LIMCH1: variants seen among roughly 807,000 people sequenced by gnomAD.
The protein encoded by LIMCH1 is LIM and calponin homology domains-containing protein 1.
LIMCH1 carries 113 observed loss-of-function variants against 176.5 expected under a neutral mutation model. The ratio of observed to expected loss-of-function variants is 0.64; its 90% CI spans 0.55 to 0.75. The LOEUF (loss-of-function observed/expected upper bound fraction) is 0.75, where lower values mean the gene tolerates loss of function less well. LIMCH1 is among the 30% of genes least tolerant of loss of function. The pLI is 0.00. For synonymous variants in LIMCH1, 619 were observed against 645.9 expected, an observed-to-expected ratio of 0.96 and a Z score of 0.63; for missense variants, 1,674 against 1,814.9, an observed-to-expected ratio of 0.92 and a Z score of 1.41.
chr4:41,497,120 G>C (rs533483743), intron 2 of LIMCH1, among the ~76,000 whole-genome samples: 1 of 152,326 alleles, frequency 6.6e-6, no homozygotes, highest in South Asian at 2.1e-4. Flanking sequence ...ATTCAAAATA[G>C]AAGCCCAGTT....
In LIMCH1 at chr4:41,646,308, T is replaced by C. The variant is rs1380812539; in HGVS notation, c.2411+28T>C. 6.3e-6 allele frequency: 10 copies of C among 1,583,068 alleles called. No homozygotes were observed. In the Admixed American group the frequency reaches 1.7e-4, roughly 27 times the overall value. ...GAGTTCTTTCTGTTGTCGTTTTTAA[T>C]GTACAATATTATCTAGGTGTTTTTT... On this transcript the variant is annotated intron_variant, in intron 16 of 31. Transcript: ENST00000503057.
In LIMCH1 at chr4:41,470,607, A is replaced by T. The variant is rs1582743512; in HGVS notation, c.97-23929A>T. Among the ~76,000 whole-genome samples, 4 of 152,284 alleles carry T rather than the reference A, an allele frequency of 2.6e-5. No individual in the cohort carries two copies. The South Asian group carries it at 8.3e-4, about 32-fold the overall frequency. On this transcript the variant is annotated intron_variant, in intron 1 of 26. Transcript: ENST00000313860. ...CCATTCTGTAGAAATTGCTCATGTC[A>T]AGGTTACCTGTGTCTTCTATTGCCC...
chr4:41,534,209 G>A (rs1400040003), upstream of LIMCH1, among the ~76,000 whole-genome samples: 2 of 152,090 alleles, frequency 1.3e-5, no homozygotes, highest in Non-Finnish European at 2.9e-5. Context: ...TTAGAGATGA[G>A]GAGACAGGAT....
rs773686371 is a variant in LIMCH1 at position 41,532,167 on chromosome 4, G to GA, written c.237+7694dup. ...GCCATGAAAGACTACACACCGCAGG[G>GA]AAAAACAACAAAACACACGAGGTCT... On this transcript the variant is annotated intron_variant, in intron 3 of 26. Transcript: ENST00000313860. Among the ~76,000 whole-genome samples the GA allele has an allele frequency of 1.2e-3, 180 of 152,272 alleles. 1 individual carries two copies. Among genetic ancestry groups the GA allele is most frequent in the Middle Eastern group, 3.4e-3 (1 of 294 alleles).
intron 1 of LIMCH1, among the ~76,000 whole-genome samples, chr4:41,429,558 C>T (rs2061415488): frequency 6.6e-6 from 1 of 152,148 alleles, no homozygotes; most frequent in Non-Finnish European, 1.5e-5. Context: ...GTGGTAAGCA[C>T]AGTATTCTCA....
rs114438590 is a variant in LIMCH1, at chr4:41,629,163, G to T, written c.1029-329G>T. ...AATTCATTACAGTAACTTGAATAGT[G>T]TGGGAATTGGGCATCATTACCATCC... is the stretch of plus-strand genomic sequence containing the variant. On this transcript the variant is annotated intron_variant, in intron 8 of 31. Coordinates refer to ENST00000503057, the MANE Select transcript of LIMCH1 (RefSeq NM_001330672.2). 5.7e-3 allele frequency among the ~76,000 whole-genome samples: 869 copies of T among 152,324 alleles called. 11 individuals are homozygous for T. The highest frequency in any genetic ancestry group is 0.02 in the African/African-American group (814 of 41,552).
chr4:41,646,430 C>T, intron 16 of LIMCH1, 55 bp from the exon 17 acceptor site: 1 of 1,577,932 alleles, frequency 6.3e-7, no homozygotes, highest in Admixed American at 1.8e-5. Flanking sequence ...CTACCAAGGT[C>T]TTCTTTGCAA....
At chr4:41,405,007 T>A (rs2058820493) in intron 1 of LIMCH1, among the ~76,000 whole-genome samples, 1 of 152,152 alleles carries the variant, frequency 6.6e-6, no homozygotes, top group Admixed American at 6.6e-5. Flanking sequence ...CTTTAACCCA[T>A]TTTTTCTGTC....
At chr4:41,398,982 A>G (rs1225330367) in intron 1 of LIMCH1, among the ~76,000 whole-genome samples, 1 of 152,196 alleles carries the variant, frequency 6.6e-6, no homozygotes, top group Admixed American at 6.5e-5. Context: ...GTCCAGAAAC[A>G]TAAAAGGAGA....
chr4:41,413,237 A>T lies in LIMCH1; in HGVS notation c.96+52301A>T, dbSNP rs866841922. Among the ~76,000 whole-genome samples, 873 of 138,854 alleles carry T rather than the reference A, an allele frequency of 6.3e-3. 12 individuals are homozygous for T. Among genetic ancestry groups the T allele is most frequent in the African/African-American group, 0.023 (819 of 36,154 alleles). The allele number at this position is 138,854 out of a possible 152,430, so 91.1% of individuals were successfully genotyped here. On this transcript the variant is annotated intron_variant, in intron 1 of 26. Transcript: ENST00000313860. ...TAATAAGTTTTTTTTTTTTTTTTTT[A>T]AATATCAGTTTTGTGTGTTGTAAGG...
At chr4:41,671,457 G>A in intron 21 of LIMCH1, 97 bp from the exon 22 acceptor site, 2 of 869,140 alleles carry the variant, frequency 2.3e-6, no homozygotes, top group Non-Finnish European at 3.6e-6. Context: ...GTTTAAAGCT[G>A]ATGTAGGAAC....
chr4:41,410,683 A>G (rs999868980), intron 1 of LIMCH1, among the ~76,000 whole-genome samples: 2 of 152,112 alleles, frequency 1.3e-5, no homozygotes, highest in African/African-American at 2.4e-5. Flanking sequence ...TCTCCCGTCC[A>G]TGGGATCCAG....
At chr4:41,678,521 A>G (rs1286130767) in intron 23 of LIMCH1, among the ~76,000 whole-genome samples, 2 of 152,216 alleles carry the variant, frequency 1.3e-5, no homozygotes, top group Non-Finnish European at 2.9e-5. Context: ...AATGGTGAAC[A>G]GCCAAGAGTC....
In LIMCH1 at chr4:41,530,948, T is replaced by C. The variant is rs145049600; in HGVS notation, c.237+6470T>C. On this transcript the variant is annotated intron_variant, in intron 3 of 26. Coordinates refer to the LIMCH1 transcript ENST00000313860. ...ACCCTGCCCCAGGTGCAGTGCTAGATCATCCTTCCTAATCTTTACAACACA... is the reference window on the plus strand; with the variant it reads ...ACCCTGCCCCAGGTGCAGTGCTAGACCATCCTTCCTAATCTTTACAACACA... 5.0e-4 allele frequency among the ~76,000 whole-genome samples: 75 copies of C among 148,744 alleles called. No individual in the cohort carries two copies. The East Asian group carries it at 0.015, about 30-fold the overall frequency.
intron 1 of LIMCH1, among the ~76,000 whole-genome samples, chr4:41,423,592 A>G (rs1042396251): frequency 2.6e-5 from 4 of 152,134 alleles, no homozygotes; most frequent in Admixed American, 6.5e-5. Context: ...TTGTTTTGAT[A>G]CAAGCAAACA....
At chr4:41,664,480 A>G (rs1203357050) in intron 20 of LIMCH1, among the ~76,000 whole-genome samples, 1 of 152,178 alleles carries the variant, frequency 6.6e-6, no homozygotes, top group East Asian at 1.9e-4. Context: ...ATTTTTATAG[A>G]TAATTAATGG....
chr4:41,663,070 A>G (rs944111358), intron 20 of LIMCH1, 86 bp downstream of exon 20: 9 of 1,256,184 alleles, frequency 7.2e-6, no homozygotes, highest in Non-Finnish European at 1.0e-5. Flanking sequence ...GGCAGTTGTG[A>G]ATAATGAAGA....
rs112534939 is a variant in LIMCH1, at chr4:41,579,544, T to C, written c.-240-19376T>C. The stretch of plus-strand genomic sequence containing the variant: ...TGCAGTCCATCTGGCGTACAGACGG[T>C]CATCGTTAATGTAACAGTGATCCGC... On this transcript the variant is annotated intron_variant, in intron 1 of 31. Coordinates refer to ENST00000503057, the MANE Select transcript of LIMCH1 (RefSeq NM_001330672.2). Among the ~76,000 whole-genome samples the C allele has an allele frequency of 5.1e-3, 775 of 152,298 alleles. 3 individuals carry two copies. Among genetic ancestry groups the C allele is most frequent in the African/African-American group, 0.018 (749 of 41,556 alleles).
intron 1 of LIMCH1, among the ~76,000 whole-genome samples, chr4:41,595,103 A>G (rs190079529): frequency 6.6e-6 from 1 of 152,238 alleles, no homozygotes; most frequent in East Asian, 1.9e-4. Flanking sequence ...TGAATGGTAG[A>G]ATTGTAAGTG....
Sources: allele counts gnomAD v4.1 joint callset (sites outside exome capture counted in the v4.1 genomes callset), GRCh38; gene constraint gnomAD v4.1.1; transcripts MANE v1.5; gene names NCBI Gene and HGNC (gene_info 2026-07-23, HGNC 2026-07-21).